Variants in UNC13C observed in about 807,000 individuals in gnomAD.
The protein encoded by UNC13C is protein unc-13 homolog C.
Under a neutral mutation model 245.4 loss-of-function variants are expected in UNC13C, and 174 were observed. The observed-to-expected ratio is 0.71, with a 90% CI of 0.63 to 0.80. The LOEUF is 0.80. Ranked by LOEUF, UNC13C falls within the 30% of genes least tolerant of loss-of-function variation. The probability of loss-of-function intolerance (pLI) is 0.00; values close to 1 mark genes in which losing one functional copy is unlikely to be tolerated. For synonymous variants in UNC13C, 992 were observed against 895.1 expected, an observed-to-expected ratio of 1.11 and a Z score of -1.93; for missense variants, 2,829 against 2,602.9, an observed-to-expected ratio of 1.09 and a Z score of -1.89.
chr15:54,013,858 G>C lies in UNC13C; in HGVS notation c.955G>C (p.Ala319Pro). The C allele has an allele frequency of 6.2e-7, 1 of 1,613,470 alleles. No homozygotes were observed. Among genetic ancestry groups the C allele is most frequent in the Non-Finnish European group, 8.5e-7 (1 of 1,179,722 alleles). Residue 319 changes from alanine (A) to proline (P), a missense_variant, in exon 2 of 33, where the codon GCA (alanine) becomes CCA (proline). Transcript: ENST00000260323. ...IKHLGHMGSK[A>P]SLRFLNVTEE... ...GCACTTAGGTCATATGGGTAGCAAG[G>C]CAAGCCTGAGATTTTTAAATGTGAC...
At chr15:53,886,211 T>G in the UNC13C span, among the ~76,000 whole-genome samples, 1 of 152,176 alleles carries the variant, frequency 6.6e-6, no homozygotes, top group African/African-American at 2.4e-5. Flanking sequence ...TGGTTTCTAA[T>G]ATCATTCTCC....
chr15:54,317,903 G>T (rs189163535), intron 13 of UNC13C, among the ~76,000 whole-genome samples: 1 of 151,824 alleles, frequency 6.6e-6, no homozygotes, highest in Non-Finnish European at 1.5e-5. Flanking sequence ...CCCCCTAACT[G>T]CTCCAACCTC....
At chr15:53,954,999 G>A in the UNC13C span, among the ~76,000 whole-genome samples, 67,483 of 151,902 alleles carry the variant, frequency 0.44, 15,079 homozygotes, top group East Asian at 0.61. Context: ...TGGCTAGGAC[G>A]TATGAAATTC....
the UNC13C span, among the ~76,000 whole-genome samples, chr15:53,935,763 T>C: frequency 6.6e-6 from 1 of 152,138 alleles, no homozygotes; most frequent in African/African-American, 2.4e-5. Context: ...GAGTGTTATG[T>C]GACCCTGCCC....
At chr15:54,066,690 G>A (rs907393298) in intron 2 of UNC13C, among the ~76,000 whole-genome samples, 4 of 152,144 alleles carry the variant, frequency 2.6e-5, no homozygotes, top group Non-Finnish European at 5.9e-5. Context: ...GAAGTTTCTA[G>A]GCAGTGATAG....
the UNC13C span, among the ~76,000 whole-genome samples, chr15:53,886,772 C>G: frequency 6.6e-5 from 10 of 152,202 alleles, no homozygotes; most frequent in East Asian, 1.9e-4. Flanking sequence ...AGTTACAAAT[C>G]AGGTTGATAG....
intron 1 of UNC13C, among the ~76,000 whole-genome samples, chr15:53,995,956 T>A (rs1460006157): frequency 6.6e-6 from 1 of 152,132 alleles, no homozygotes; most frequent in Non-Finnish European, 1.5e-5. Context: ...GAGGAGGTAA[T>A]GCTATGGAAG....
At chr15:54,589,388 T>C (rs1351939076) in intron 30 of UNC13C, among the ~76,000 whole-genome samples, 5 of 134,680 alleles carry the variant, frequency 3.7e-5, no homozygotes, top group Non-Finnish European at 6.2e-5. Context: ...AGCCTCCGCC[T>C]CCTGGGTTCA....
intron 4 of UNC13C, among the ~76,000 whole-genome samples, chr15:54,185,468 G>C (rs574562764): frequency 4.7e-5 from 7 of 150,076 alleles, no homozygotes; most frequent in Non-Finnish European, 7.4e-5. Flanking sequence ...GGAAGGAATC[G>C]AGTTTCAGCT....
chr15:54,160,142 C>A (rs992853804), intron 4 of UNC13C, among the ~76,000 whole-genome samples: 2 of 151,780 alleles, frequency 1.3e-5, no homozygotes, highest in Non-Finnish European at 2.9e-5. Flanking sequence ...GCTACTCTGT[C>A]AGAATAAATA....
In UNC13C at chr15:54,410,471, A is replaced by T. The variant is rs35681861; in HGVS notation, c.4848-4511A>T. On this transcript the variant is annotated intron_variant, in intron 18 of 32. Coordinates refer to ENST00000260323, the MANE Select transcript of UNC13C (RefSeq NM_001080534.3). The stretch of plus-strand genomic sequence containing the variant: ...GCCTATGTCCAGAATGGCATTTTCT[A>T]GGTGTTCTTCTGGGTTCTTATAGTT... Among the ~76,000 whole-genome samples, 5 of 151,842 alleles carry T rather than the reference A, an allele frequency of 3.3e-5. No homozygotes were observed. The East Asian group carries it at 5.8e-4, about 18-fold the overall frequency.
At chr15:54,617,141 A>G (rs374070051) in intron 30 of UNC13C, among the ~76,000 whole-genome samples, 13 of 152,138 alleles carry the variant, frequency 8.5e-5, no homozygotes, top group African/African-American at 3.1e-4. Context: ...TTCAGAATTT[A>G]TGCCCGTCAT....
intron 4 of UNC13C, among the ~76,000 whole-genome samples, chr15:54,172,737 T>TAAATATATATATATATATAA (rs1567067134): frequency 9.6e-6 from 1 of 103,676 alleles, no homozygotes; most frequent in Admixed American, 1.0e-4. Context: ...TATATATATA[T>TAAATATATATATATATATAA]ATATATATAT....
At chr15:54,333,885 T>C in intron 16 of UNC13C, 29 bp downstream of exon 16, 1 of 1,505,090 alleles carries the variant, frequency 6.6e-7, no homozygotes, top group Non-Finnish European at 9.1e-7. Flanking sequence ...GTCACTGTTT[T>C]GTTGTGACAT....
At chr15:54,073,336 A>C (rs151149224) in intron 2 of UNC13C, among the ~76,000 whole-genome samples, 1 of 152,200 alleles carries the variant, frequency 6.6e-6, no homozygotes, top group South Asian at 2.1e-4. Flanking sequence ...GTGCTGCAAT[A>C]CATATACATG....
intron 2 of UNC13C, among the ~76,000 whole-genome samples, chr15:54,098,911 T>C (rs1177822744): frequency 6.6e-6 from 1 of 152,176 alleles, no homozygotes; most frequent in Admixed American, 6.5e-5. Flanking sequence ...GAGTTTGAAA[T>C]AGGTGAGGAT....
chr15:53,919,795 A>C, the UNC13C span, among the ~76,000 whole-genome samples: 5 of 152,320 alleles, frequency 3.3e-5, no homozygotes, highest in African/African-American at 1.2e-4. Flanking sequence ...ATGCTATAGG[A>C]TTCTCAAAGT....
chr15:54,618,171 C>T (rs1013277766), intron 30 of UNC13C, among the ~76,000 whole-genome samples: 17 of 152,074 alleles, frequency 1.1e-4, no homozygotes, highest in Admixed American at 5.3e-4. Flanking sequence ...CGTGTTATAA[C>T]GACAGTAAGC....
intron 19 of UNC13C, among the ~76,000 whole-genome samples, chr15:54,489,659 T>C (rs1157859023): frequency 6.6e-6 from 1 of 152,182 alleles, no homozygotes; most frequent in African/African-American, 2.4e-5. Context: ...CTGGAAAATG[T>C]AGTCTGGTTG....
Sources: gnomAD v4.1 joint callset for allele counts (sites outside exome capture counted in the v4.1 genomes callset) on GRCh38, gnomAD v4.1.1 for gene constraint, MANE v1.5 for transcripts, NCBI Gene and HGNC (gene_info 2026-07-23, HGNC 2026-07-21) for gene names.